The following GPR146 variants were observed in gnomAD, a reference collection of about 807,000 sequenced individuals.
GPR146 encodes G-protein coupled receptor 146.
For synonymous variants in GPR146, 203 were observed against 104.3 expected (o/e 1.95, Z -5.77); for missense variants, 381 against 213.9 (o/e 1.78, Z -4.87).
intron 1 of GPR146, among the ~76,000 whole-genome samples, chr7:1,053,132 C>T (rs187204786): frequency 1.9e-4 from 29 of 151,236 alleles, no homozygotes; most frequent in African/African-American, 5.3e-4. Context: ...CCAGACAGCC[C>T]GGCAGCCAGG....
At chr7:1,046,365 G>C (rs1239285249) in intron 1 of GPR146, among the ~76,000 whole-genome samples, 1 of 152,162 alleles carries the variant, frequency 6.6e-6, no homozygotes, top group South Asian at 2.1e-4. Context: ...ACGATCCCAC[G>C]GTGCTGTTTT....
intron 1 of GPR146, chr7:1,055,196 T>C: frequency 2.1e-6 from 1 of 468,232 alleles, no homozygotes; most frequent in South Asian, 1.6e-5. Flanking sequence ...CCCTCGTTTC[T>C]GGAACCCGGC....
intron 1 of GPR146, among the ~76,000 whole-genome samples, chr7:1,048,156 G>C: frequency 6.6e-6 from 1 of 152,264 alleles, no homozygotes; most frequent in Middle Eastern, 3.4e-3. Context: ...GAGGGGAAGC[G>C]AGAAAGGGTG....
chr7:1,057,651 G>C lies in GPR146; in HGVS notation c.136G>C (p.Ala46Pro), dbSNP rs1277358550. 2.6e-6 allele frequency: 2 copies of C among 770,364 alleles called. No individual in the cohort carries two copies. The highest frequency in any genetic ancestry group is 1.7e-5 in the African/African-American group (1 of 58,948). 47.7% of individuals were successfully genotyped at this position (770,364 alleles called of 1,614,324 possible). A position where few individuals can be genotyped will look rare whatever the true frequency, so the allele number is the denominator to read the frequency against. ...CGTGCCAGTGGGCCTGTGCTACAACGCCCTGCTGGTGCTGGCCAACCTACA... is the reference window on the plus strand; with the variant it reads ...CGTGCCAGTGGGCCTGTGCTACAACCCCCTGCTGGTGCTGGCCAACCTACA... ...VGVPVGLCYN[A>P]LLVLANLHSK... The change falls in exon 2 of 2, where the codon GCC becomes CCC. Residue 46 changes from alanine (A) to proline (P), a missense_variant. Physicochemically the swap from Ala to Pro is conservative, Grantham distance 27. Transcript: ENST00000444847.
intron 1 of GPR146, among the ~76,000 whole-genome samples, chr7:1,053,065 G>T (rs1039174265): frequency 6.6e-6 from 1 of 152,226 alleles, no homozygotes; most frequent in Non-Finnish European, 1.5e-5. Context: ...CAGCGGGCCT[G>T]CCCAGTGGGG....
chr7:1,056,298 G>A (rs1260238601), intron 1 of GPR146: 1 of 152,906 alleles, frequency 6.5e-6, no homozygotes, highest in African/African-American at 2.4e-5. Context: ...GGGGTGCTGT[G>A]GCAGCGCTGT....
chr7:1,058,285 C>T lies in GPR146; in HGVS notation c.770C>T (p.Thr257Met), dbSNP rs776434128. Residue 257 changes from threonine to methionine, a missense_variant, in exon 2 of 2, where the codon ACG (threonine) becomes ATG (methionine). Transcript: ENST00000444847. ...TPHYLILLGH[T>M]VIISRGKPVD... Reference sequence around the variant, plus strand: ...CACTATCTGATCCTGCTGGGGCACACGGTCATCATCTCGCGAGGGAAGCCC... The same window carrying T: ...CACTATCTGATCCTGCTGGGGCACATGGTCATCATCTCGCGAGGGAAGCCC... The T allele has an allele frequency of 1.4e-5, 11 of 773,458 alleles. No homozygotes were observed. Among genetic ancestry groups the T allele is most frequent in the Admixed American group, 5.1e-5 (3 of 59,002 alleles). The allele number at this position is 773,458 out of a possible 1,614,324, so 47.9% of individuals were successfully genotyped here. A position where few individuals can be genotyped will look rare whatever the true frequency, so the allele number is the denominator to read the frequency against.
chr7:1,053,293 C>T lies in GPR146; in HGVS notation c.-24-4199C>T, dbSNP rs547570686. 1.5e-4 allele frequency among the ~76,000 whole-genome samples: 23 copies of T among 152,384 alleles called. No homozygotes were observed. In the East Asian group the frequency reaches 3.7e-3, roughly 24 times the overall value. ...GCCCAGGCCATCCCCCTCACTCGGACGCAGGTGTGGCGACGGCGGGGGAGG... is the reference window on the plus strand; with the variant it reads ...GCCCAGGCCATCCCCCTCACTCGGATGCAGGTGTGGCGACGGCGGGGGAGG... On this transcript the variant is annotated intron_variant, in intron 1 of 1. Coordinates refer to ENST00000444847, the MANE Select transcript of GPR146 (RefSeq NM_001303473.2).
chr7:1,055,146 G>T (rs1197036940), intron 1 of GPR146: 2 of 433,898 alleles, frequency 4.6e-6, no homozygotes, highest in African/African-American at 4.1e-5. Context: ...CAAGAGGCCA[G>T]CTGTGCTCAG....
intron 1 of GPR146, among the ~76,000 whole-genome samples, chr7:1,044,946 C>T (rs1436125512): frequency 2.0e-5 from 3 of 152,278 alleles, no homozygotes; most frequent in Non-Finnish European, 4.4e-5. Flanking sequence ...CCGCCACCGG[C>T]TCTCCCATGT....
At chr7:1,048,121 A>G (rs1200359556) in intron 1 of GPR146, among the ~76,000 whole-genome samples, 1 of 152,116 alleles carries the variant, frequency 6.6e-6, no homozygotes, top group African/African-American at 2.4e-5. Flanking sequence ...AATGTCAAGG[A>G]CGAGCCAGTG....
chr7:1,058,497 G>A lies in GPR146; in HGVS notation c.982G>A (p.Val328Met), dbSNP rs757465611. 1.7e-5 allele frequency: 13 copies of A among 779,698 alleles called. No individual in the cohort carries two copies. The South Asian group carries it at 1.7e-4, about 10-fold the overall frequency. The allele number at this position is 779,698 out of a possible 1,614,324, so 48.3% of individuals were successfully genotyped here. A position where few individuals can be genotyped will look rare whatever the true frequency, so the allele number is the denominator to read the frequency against. ...GCACTGCTCCCCGGACCACATGGGG[G>A]TGCAGCAGGTGCTGGCGTAGGCGGC... ...DRHCSPDHMG[V>M]QQVLA The change falls in exon 2 of 2, where the codon GTG (valine) becomes ATG (methionine). Residue 328 changes from valine (V) to methionine (M), a missense_variant. By Grantham distance (21) the Val-to-Met change is conservative (BLOSUM62 1). Coordinates refer to ENST00000444847, the MANE Select transcript of GPR146 (RefSeq NM_001303473.2).
chr7:1,053,704 G>A (rs1450984657), intron 1 of GPR146, among the ~76,000 whole-genome samples: 1 of 152,350 alleles, frequency 6.6e-6, no homozygotes, highest in Middle Eastern at 3.4e-3. Flanking sequence ...GCAGTCGCCT[G>A]TAATCCCAGC....
At chr7:1,047,973 T>G (rs533953499) in intron 1 of GPR146, among the ~76,000 whole-genome samples, 1 of 152,234 alleles carries the variant, frequency 6.6e-6, no homozygotes, top group African/African-American at 2.4e-5. Context: ...ACATAAAAAC[T>G]TCCCCTGCCT....
intron 1 of GPR146, chr7:1,055,173 G>C (rs372489990): frequency 4.3e-6 from 2 of 463,398 alleles, no homozygotes; most frequent in Non-Finnish European, 9.0e-6. Context: ...GTGCGGTCCC[G>C]TCCAAGCACG....
At chr7:1,055,123 C>A (rs2128201720) in intron 1 of GPR146, among the ~76,000 whole-genome samples, 1 of 152,320 alleles carries the variant, frequency 6.6e-6, no homozygotes, top group Non-Finnish European at 1.5e-5. Flanking sequence ...GCCAGGCTAT[C>A]AGAAAGGTGG....
intron 1 of GPR146, among the ~76,000 whole-genome samples, chr7:1,046,340 C>A (rs1305427204): frequency 6.6e-6 from 1 of 152,188 alleles, no homozygotes; most frequent in Non-Finnish European, 1.5e-5. Flanking sequence ...CCCGGCCGAC[C>A]GTGTCATGCA....
Position 1,057,991 on chromosome 7 carries a change from G to C in GPR146, c.476G>C (p.Ser159Thr), listed in dbSNP as rs748081559. 1 of 770,298 alleles carries C rather than the reference G, an allele frequency of 1.3e-6. No individual in the cohort carries two copies. The highest frequency in any genetic ancestry group is 2.4e-6 in the Non-Finnish European group (1 of 417,918). 47.7% of individuals were successfully genotyped at this position (770,298 alleles called of 1,614,324 possible). A position where few individuals can be genotyped will look rare whatever the true frequency, so the allele number is the denominator to read the frequency against. Residue 159 changes from serine to threonine, a missense_variant, in exon 2 of 2, where the codon AGC becomes ACC. By Grantham distance (58) the Ser-to-Thr change is moderately conservative. Transcript: ENST00000444847. ...GTGTGGGGTGGCGCGCTGCTGACCAGCTTCTCCTCGCTGCTCTTCTACATC... is the reference window on the plus strand; with the variant it reads ...GTGTGGGGTGGCGCGCTGCTGACCACCTTCTCCTCGCTGCTCTTCTACATC... Reference protein sequence around the residue: ...GFVWGGALLTSFSSLLFYICS... With the variant: ...GFVWGGALLTTFSSLLFYICS...
chr7:1,055,633 AAGT>A (rs1783662397), intron 1 of GPR146: 1 of 345,206 alleles, frequency 2.9e-6, no homozygotes, highest in Non-Finnish European at 5.8e-6. Context: ...GGACATCTCT[AAGT>A]AGGGAATGAA....
Sources: allele counts gnomAD v4.1 joint callset (sites outside exome capture counted in the v4.1 genomes callset), GRCh38; gene constraint gnomAD v4.1.1; transcripts MANE v1.5; gene names NCBI Gene and HGNC (gene_info 2026-07-23, HGNC 2026-07-21).